Variants in PLA2G4A observed in about 807,000 individuals in gnomAD.
PLA2G4A encodes the protein phospholipase A2 group IVA, also known as cytosolic phospholipase A2.
Under a neutral mutation model 81.9 loss-of-function variants are expected in PLA2G4A, and 40 were observed. The observed-to-expected ratio is 0.49, with a 90% CI of 0.38 to 0.64. The LOEUF is 0.64. Among genes scored for constraint, PLA2G4A ranks in the 30% least tolerant of loss-of-function variants. The pLI, the probability that PLA2G4A is intolerant of heterozygous loss-of-function variation, is 0.00. For synonymous variants in PLA2G4A, 302 were observed against 296.9 expected (o/e 1.02, Z -0.18); for missense variants, 715 against 905.1 (o/e 0.79, Z 2.69).
intron 3 of PLA2G4A, among the ~76,000 whole-genome samples, chr1:186,872,305 T>C (rs370619307): frequency 5.3e-5 from 8 of 152,194 alleles, no homozygotes; most frequent in African/African-American, 1.7e-4. Flanking sequence ...GAAGCCTCAT[T>C]AGAAGCTGTA....
rs1245736020 is a variant in PLA2G4A, at chr1:186,829,045, G to A, written c.-70+10G>A. On this transcript the variant is annotated intron_variant, in intron 1 of 17. Transcript: ENST00000367466. ...GCCTGAAGATTCTCAGGTAACTCTG[G>A]GAACTGTAAGCAATATATTTATTCT... 1 of 152,086 alleles carries A rather than the reference G, an allele frequency of 6.6e-6. No individual in the cohort carries two copies. The highest frequency in any genetic ancestry group is 2.4e-5 in the African/African-American group (1 of 41,398). The allele number at this position is 152,086 out of a possible 1,614,324, so 9.4% of individuals were successfully genotyped here.
intron 7 of PLA2G4A, among the ~76,000 whole-genome samples, chr1:186,918,309 T>C (rs1358221619): frequency 6.6e-6 from 1 of 152,222 alleles, no homozygotes; most frequent in Non-Finnish European, 1.5e-5. Context: ...CTGCCTCTAA[T>C]AATTGTAGAA....
intron 2 of PLA2G4A, among the ~76,000 whole-genome samples, chr1:186,860,189 TGACAAACAG>T (rs1652745446): frequency 6.6e-6 from 1 of 152,162 alleles, no homozygotes; most frequent in Non-Finnish European, 1.5e-5. Context: ...TAATTTATTA[TGACAAACAG>T]GAGATATTAA....
intron 3 of PLA2G4A, among the ~76,000 whole-genome samples, chr1:186,883,876 A>T (rs1488220500): frequency 1.3e-5 from 2 of 152,166 alleles, no homozygotes; most frequent in Non-Finnish European, 2.9e-5. Flanking sequence ...AACTTATGGA[A>T]TAATGAGATT....
At chr1:186,892,509 A>T (rs1326041844) in intron 3 of PLA2G4A, among the ~76,000 whole-genome samples, 2 of 152,220 alleles carry the variant, frequency 1.3e-5, no homozygotes, top group Non-Finnish European at 2.9e-5. Context: ...ATTCTTCTGC[A>T]TATGGAGATC....
chr1:186,835,890 T>C (rs1571319940), intron 1 of PLA2G4A, among the ~76,000 whole-genome samples: 1 of 152,216 alleles, frequency 6.6e-6, no homozygotes. Context: ...ACTTATAATC[T>C]ATTACTTGGT....
chr1:186,892,339 C>T (rs922421543), intron 3 of PLA2G4A, among the ~76,000 whole-genome samples: 2 of 151,992 alleles, frequency 1.3e-5, no homozygotes, highest in African/African-American at 4.8e-5. Context: ...TTGTCTGTGC[C>T]TGTGTGGTAT....
At chr1:186,972,946 T>G (rs1203228577) in intron 15 of PLA2G4A, among the ~76,000 whole-genome samples, 1 of 152,200 alleles carries the variant, frequency 6.6e-6, no homozygotes. Flanking sequence ...TTTTAGAATC[T>G]CCACATATTA....
At chr1:186,965,090 A>G (rs1657085859) in intron 14 of PLA2G4A, among the ~76,000 whole-genome samples, 1 of 152,260 alleles carries the variant, frequency 6.6e-6, no homozygotes. Context: ...GTAATGTAAG[A>G]TAATACTATT....
At chr1:186,919,596 G>T (rs1039659981) in intron 7 of PLA2G4A, among the ~76,000 whole-genome samples, 4 of 152,158 alleles carry the variant, frequency 2.6e-5, no homozygotes, top group African/African-American at 9.7e-5. Context: ...CATAGTAGGG[G>T]AGTTCTTGAA....
At chr1:186,949,810 C>T (rs891958415) in intron 12 of PLA2G4A, among the ~76,000 whole-genome samples, 16 of 151,468 alleles carry the variant, frequency 1.1e-4, no homozygotes, top group African/African-American at 3.6e-4. Context: ...TCACTTGAGT[C>T]CAGGAGTTTG....
At chr1:186,895,703 A>C (rs1018729657) in intron 5 of PLA2G4A, among the ~76,000 whole-genome samples, 6 of 152,230 alleles carry the variant, frequency 3.9e-5, no homozygotes, top group African/African-American at 1.2e-4. Flanking sequence ...GGCAGAATAA[A>C]GAACGATTGT....
chr1:186,977,559 A>C, intron 15 of PLA2G4A, 34 bp from the exon 16 acceptor site: 1 of 1,499,846 alleles, frequency 6.7e-7, no homozygotes, highest in South Asian at 1.1e-5. Flanking sequence ...GAAAACTGAA[A>C]ATTTCCAAAT....
intron 1 of PLA2G4A, among the ~76,000 whole-genome samples, chr1:186,830,949 GCTTGCTTGCTTTCTTTCTTTCTTTCTTT>G (rs1290204873): frequency 8.9e-5 from 4 of 44,904 alleles, no homozygotes; most frequent in Admixed American, 2.9e-4. Flanking sequence ...TTGCTTGCTT[GCTTGCTTGCTTTCTTTCTTTCTTTCTTT>G]CTTTCTTTCT....
chr1:186,854,757 T>C (rs771587021), intron 2 of PLA2G4A, among the ~76,000 whole-genome samples: 1 of 151,964 alleles, frequency 6.6e-6, no homozygotes, highest in East Asian at 1.9e-4. Flanking sequence ...TAGGGCTATG[T>C]TATGGTTTGC....
rs73049038 is a variant in PLA2G4A, at chr1:186,934,657, C to T, written c.695+1758C>T. On this transcript the variant is annotated intron_variant, in intron 8 of 17. Coordinates refer to ENST00000367466, the MANE Select transcript of PLA2G4A (RefSeq NM_024420.3). ...CATTTCCTTAAAAGGCTGCTCACTCCTTGTAATAAATTTTCACTCACAGAC... is the reference window on the plus strand; with the variant it reads ...CATTTCCTTAAAAGGCTGCTCACTCTTTGTAATAAATTTTCACTCACAGAC... Among the ~76,000 whole-genome samples the T allele has an allele frequency of 5.4e-3, 819 of 151,792 alleles. 6 individuals carry two copies. The highest frequency in any genetic ancestry group is 0.019 in the African/African-American group (788 of 41,470).
chr1:186,943,347 C>T (rs6703952), intron 10 of PLA2G4A, among the ~76,000 whole-genome samples: 46,490 of 152,110 alleles, frequency 0.31, 9,649 homozygotes, highest in African/African-American at 0.58. Context: ...TTAAAAATTT[C>T]CACTGGTGAA....
chr1:186,938,935 T>C, intron 8 of PLA2G4A, 73 bp from the exon 9 acceptor site: 1 of 810,916 alleles, frequency 1.2e-6, no homozygotes, highest in Non-Finnish European at 2.2e-6. Context: ...ATTTACAGAG[T>C]GTGCCTTCTT....
chr1:186,986,430 A>G (rs1206182684), intron 17 of PLA2G4A, among the ~76,000 whole-genome samples: 1 of 152,206 alleles, frequency 6.6e-6, no homozygotes, highest in Non-Finnish European at 1.5e-5. Flanking sequence ...GGAGAAACCA[A>G]TTGATAAATT....
Sources: allele counts gnomAD v4.1 joint callset (sites outside exome capture counted in the v4.1 genomes callset), GRCh38; gene constraint gnomAD v4.1.1; transcripts MANE v1.5; gene names NCBI Gene and HGNC (gene_info 2026-07-23, HGNC 2026-07-21).